The following NELL1 variants were observed in gnomAD, a reference collection of about 807,000 sequenced individuals.
NELL1 encodes protein kinase C-binding protein NELL1.
In NELL1, 76 loss-of-function variants were observed where a neutral mutation model predicts 107.4. The observed-to-expected ratio is 0.71, with a 90% CI of 0.59 to 0.86. NELL1 has a LOEUF of 0.86. NELL1 is among the 40% of genes least tolerant of loss of function. The probability of loss-of-function intolerance (pLI) is 0.00; values close to 1 mark genes in which losing one functional copy is unlikely to be tolerated. For missense variants in NELL1, 1,024 were observed against 1,005.5 expected (o/e 1.02, Z -0.25); for synonymous variants, 353 against 341.2 (o/e 1.03, Z -0.38).
intron 2 of NELL1, among the ~76,000 whole-genome samples, chr11:20,692,842 G>A (rs746395177): frequency 1.5e-4 from 23 of 152,222 alleles, no homozygotes; most frequent in African/African-American, 5.1e-4. Context: ...GGGTATACTT[G>A]TTAACTTTCT....
intron 2 of NELL1, among the ~76,000 whole-genome samples, chr11:20,722,670 C>A (rs768194323): frequency 1.3e-5 from 2 of 152,056 alleles, no homozygotes; most frequent in African/African-American, 2.4e-5. Context: ...CTACACTAAC[C>A]CTTATTAAGA....
chr11:20,853,805 T>C (rs1189195747), intron 4 of NELL1, among the ~76,000 whole-genome samples: 1 of 152,196 alleles, frequency 6.6e-6, no homozygotes, highest in Admixed American at 6.5e-5. Flanking sequence ...GGTTTGCCAG[T>C]AGTTTGTCTT....
At chr11:21,544,525 T>C (rs925578279) in intron 16 of NELL1, among the ~76,000 whole-genome samples, 1 of 151,928 alleles carries the variant, frequency 6.6e-6, no homozygotes, top group Non-Finnish European at 1.5e-5. Context: ...GGTTTAGGTA[T>C]TTTATAGGTA....
chr11:20,927,226 A>AT (rs1850516437), intron 7 of NELL1, 82 bp from the exon 8 acceptor site: 57 of 1,342,042 alleles, frequency 4.2e-5, no homozygotes, highest in East Asian at 4.1e-4. Context: ...TCTCAGAAGG[A>AT]TTTTTTTTCT....
At chr11:20,697,456 G>C (rs1420252469) in intron 2 of NELL1, among the ~76,000 whole-genome samples, 1 of 149,028 alleles carries the variant, frequency 6.7e-6, no homozygotes, top group Non-Finnish European at 1.5e-5. Context: ...CTTCAAAAGA[G>C]TTTCTAAAGG....
intron 3 of NELL1, among the ~76,000 whole-genome samples, chr11:20,814,096 T>G (rs10833395): frequency 6.6e-6 from 1 of 151,760 alleles, no homozygotes; most frequent in African/African-American, 2.4e-5. Flanking sequence ...CCCGGGTTCA[T>G]GCCATTCTCC....
rs186289538 is a variant in NELL1, at chr11:21,311,157, A to T, written c.1550-59696A>T. ...ATTTGTAAAAAGAAATGCATTACCC[A>T]TGCTATAAAATTAAATGTTGCATTG... On this transcript the variant is annotated intron_variant, in intron 14 of 19. Coordinates refer to ENST00000357134, the MANE Select transcript of NELL1 (RefSeq NM_006157.5). Among the ~76,000 whole-genome samples the T allele has an allele frequency of 3.3e-4, 51 of 152,274 alleles. 1 individual carries two copies. The South Asian group carries it at 3.9e-3, about 12-fold the overall frequency.
intron 14 of NELL1, among the ~76,000 whole-genome samples, chr11:21,352,228 T>C (rs1850833733): frequency 6.6e-6 from 1 of 152,198 alleles, no homozygotes; most frequent in Non-Finnish European, 1.5e-5. Context: ...TACCCTGCTT[T>C]AGTTTTTCCC....
intron 2 of NELL1, among the ~76,000 whole-genome samples, chr11:20,695,751 G>A (rs1854598120): frequency 6.6e-6 from 1 of 151,948 alleles, no homozygotes; most frequent in African/African-American, 2.4e-5. Context: ...TTTTCATTGT[G>A]TCTTTGTTTT....
At chr11:21,161,317 C>A (rs1023090100) in intron 13 of NELL1, among the ~76,000 whole-genome samples, 1 of 152,116 alleles carries the variant, frequency 6.6e-6, no homozygotes, top group East Asian at 1.9e-4. Flanking sequence ...ACAGGCAGAT[C>A]ATTTGAGGCC....
At chr11:21,381,904 A>ATTGTTTTTTTTTTTTT (rs1851619194) in intron 15 of NELL1, among the ~76,000 whole-genome samples, 1 of 91,356 alleles carries the variant, frequency 1.1e-5, no homozygotes, top group African/African-American at 4.5e-5. Context: ...CCTGGAAGGG[A>ATTGTTTTTTTTTTTTT]TTTTTTTTTT....
Position 21,012,302 on chromosome 11 carries a change from A to G in NELL1, c.1300+51742A>G, listed in dbSNP as rs182303699. On this transcript the variant is annotated intron_variant, in intron 12 of 19. Coordinates refer to ENST00000357134, the MANE Select transcript of NELL1 (RefSeq NM_006157.5). ...ATGTTAGATATTGTCTGTGTTCAAC[A>G]TTCAGAGTTGTTCTCCCTGCCAGCC... Among the ~76,000 whole-genome samples, 67 of 152,258 alleles carry G rather than the reference A, an allele frequency of 4.4e-4. 1 individual carries two copies. Among genetic ancestry groups the G allele is most frequent in the Admixed American group, 4.3e-3 (66 of 15,294 alleles).
chr11:21,311,277 AAT>A (rs1376398034), intron 14 of NELL1, among the ~76,000 whole-genome samples: 4 of 152,126 alleles, frequency 2.6e-5, no homozygotes, highest in African/African-American at 7.2e-5. Context: ...ATCTGTGTGG[AAT>A]ATATGTCTTT....
chr11:21,424,102 G>C (rs760587335), intron 15 of NELL1, among the ~76,000 whole-genome samples: 1 of 151,964 alleles, frequency 6.6e-6, no homozygotes, highest in African/African-American at 2.4e-5. Flanking sequence ...CTAGCAAAAG[G>C]ATGAAAATAA....
intron 13 of NELL1, among the ~76,000 whole-genome samples, chr11:21,191,948 T>C (rs985275457): frequency 1.3e-5 from 2 of 151,940 alleles, no homozygotes; most frequent in African/African-American, 4.9e-5. Context: ...TTAGATAATA[T>C]GTGAAAGATA....
chr11:20,982,753 G>A (rs942443368), intron 12 of NELL1, among the ~76,000 whole-genome samples: 11 of 152,156 alleles, frequency 7.2e-5, no homozygotes, highest in Non-Finnish European at 1.3e-4. Context: ...TTGTAAAAGT[G>A]CCCTGGGAGA....
intron 13 of NELL1, among the ~76,000 whole-genome samples, chr11:21,161,204 T>C (rs1467220325): frequency 6.6e-6 from 1 of 152,182 alleles, no homozygotes; most frequent in Non-Finnish European, 1.5e-5. Flanking sequence ...ATCTGGGCTA[T>C]TATTTATTTC....
intron 17 of NELL1, among the ~76,000 whole-genome samples, chr11:21,566,964 T>G (rs1856987307): frequency 6.6e-6 from 1 of 151,920 alleles, no homozygotes; most frequent in African/African-American, 2.4e-5. Context: ...TGCTTTATTT[T>G]GCACTAACCC....
intron 3 of NELL1, among the ~76,000 whole-genome samples, chr11:20,834,731 A>C (rs762824630): frequency 1.9e-4 from 29 of 151,874 alleles, no homozygotes; most frequent in Non-Finnish European, 3.8e-4. Flanking sequence ...AACAAAAAAA[A>C]CCCACCCTAA....
Sources: gnomAD v4.1 joint callset for allele counts (sites outside exome capture counted in the v4.1 genomes callset) on GRCh38, gnomAD v4.1.1 for gene constraint, MANE v1.5 for transcripts, NCBI Gene and HGNC (gene_info 2026-07-23, HGNC 2026-07-21) for gene names.